The following PCDHA4 variants were observed in gnomAD, a reference collection of about 807,000 sequenced individuals.
PCDHA4 encodes protocadherin alpha-4.
Under a neutral mutation model 61.4 loss-of-function variants are expected in PCDHA4, and 49 were observed. The observed-to-expected ratio is 0.80, with a 90% CI of 0.63 to 1.01. The LOEUF (loss-of-function observed/expected upper bound fraction) is 1.01. Ranked by LOEUF, PCDHA4 falls within the 50% of genes least tolerant of loss-of-function variation. The pLI is 0.00. For missense variants in PCDHA4, 1,254 were observed against 1,235.8 expected, an observed-to-expected ratio of 1.01 and a Z score of -0.22; for synonymous variants, 590 against 550.3, an observed-to-expected ratio of 1.07 and a Z score of -1.01.
chr5:140,823,628 G>A lies in PCDHA4; in HGVS notation c.2385+14056G>A, dbSNP rs1434058728. 2.5e-6 allele frequency: 4 copies of A among 1,614,052 alleles called. No homozygotes were observed. The highest frequency in any genetic ancestry group is 3.4e-6 in the Non-Finnish European group (4 of 1,179,958). ...CTGCAGCCAGCGCCTGGCAGTGCGC[G>A]CATCCCGTTCCGCGTGGGGCTGTAC... On this transcript the variant is annotated intron_variant, in intron 1 of 3. Transcript: ENST00000530339.
At chr5:140,981,977 G>A (rs1321410399) in intron 2 of PCDHA4, among the ~76,000 whole-genome samples, 1 of 152,128 alleles carries the variant, frequency 6.6e-6, no homozygotes, top group African/African-American at 2.4e-5. Context: ...TATAGAAAGA[G>A]TAAAATAGAA....
intron 1 of PCDHA4, among the ~76,000 whole-genome samples, chr5:140,943,353 G>A (rs2093481887): frequency 6.6e-6 from 1 of 151,602 alleles, no homozygotes; most frequent in Non-Finnish European, 1.5e-5. Flanking sequence ...TGAGAGTAGA[G>A]GAAAGGAGAT....
intron 1 of PCDHA4, chr5:140,848,924 G>A (rs2150425105): frequency 3.1e-6 from 5 of 1,607,706 alleles, no homozygotes; most frequent in Admixed American, 1.7e-5. Context: ...TGTTCATCGC[G>A]GAATCCAGGC....
intron 1 of PCDHA4, among the ~76,000 whole-genome samples, chr5:140,932,720 G>A (rs868927369): frequency 6.6e-5 from 10 of 151,848 alleles, no homozygotes; most frequent in Non-Finnish European, 1.5e-5. Flanking sequence ...CAATAATATT[G>A]TATAATATAG....
At chr5:140,854,518 G>A (rs1446011923) in intron 1 of PCDHA4, 1 of 149,946 alleles carries the variant, frequency 6.7e-6, no homozygotes, top group Non-Finnish European at 1.5e-5. Flanking sequence ...GATGGATTAA[G>A]TGACACCCAT....
chr5:140,849,959 C>G lies in PCDHA4; in HGVS notation c.2385+40387C>G, dbSNP rs2150460444. On this transcript the variant is annotated intron_variant, in intron 1 of 3. Transcript: ENST00000530339. ...GGGACGCTGACGCGCAGGAGAACGC[C>G]CTGGTGTCCTACTCGCTGGTGGAGC... 52 of 1,597,872 alleles carry G rather than the reference C, an allele frequency of 3.3e-5. 2 individuals are homozygous for G. Among genetic ancestry groups the G allele is most frequent in the African/African-American group, 2.7e-4 (20 of 74,536 alleles).
intron 1 of PCDHA4, among the ~76,000 whole-genome samples, chr5:140,940,057 A>G (rs2092538975): frequency 6.6e-6 from 1 of 152,224 alleles, no homozygotes; most frequent in African/African-American, 2.4e-5. Flanking sequence ...TTCTTAACCA[A>G]ATATAAATAT....
At chr5:140,827,100 C>A (rs1769178412) in intron 1 of PCDHA4, among the ~76,000 whole-genome samples, 2 of 152,036 alleles carry the variant, frequency 1.3e-5, no homozygotes, top group Non-Finnish European at 2.9e-5. Context: ...TAGGAGTCAG[C>A]ATGTATAGGT....
At chr5:140,844,621 A>C (rs1357757740) in intron 1 of PCDHA4, among the ~76,000 whole-genome samples, 5 of 149,558 alleles carry the variant, frequency 3.3e-5, no homozygotes, top group African/African-American at 9.8e-5. Context: ...TGTTTTCATC[A>C]GAAAAACTAT....
At chr5:141,006,372 C>T (rs781874533) in intron 3 of PCDHA4, among the ~76,000 whole-genome samples, 10 of 151,926 alleles carry the variant, frequency 6.6e-5, no homozygotes, top group Non-Finnish European at 1.0e-4. Context: ...CCACCACGCC[C>T]GGCTAAGTTT....
chr5:140,821,537 A>G (rs1240082650), intron 1 of PCDHA4: 6 of 468,714 alleles, frequency 1.3e-5, no homozygotes, highest in African/African-American at 1.2e-4. Context: ...TAAAACACTT[A>G]CCCTTTCATC....
At chr5:140,982,447 C>G (rs782801484) in intron 2 of PCDHA4, 28 bp from the exon 3 acceptor site, 1 of 1,613,782 alleles carries the variant, frequency 6.2e-7, no homozygotes, top group South Asian at 1.1e-5. Flanking sequence ...ATGATCTAAC[C>G]GTTATCTGGG....
At position 140,992,017 on chromosome 5, in the gene PCDHA4, CTGTGTGTG is replaced by C. The variant is rs10602499; in HGVS notation, c.2533+9484_2533+9491del. On this transcript the variant is annotated intron_variant, in intron 3 of 3. Coordinates refer to ENST00000530339, the MANE Select transcript of PCDHA4 (RefSeq NM_018907.4). ...CTTTCATGTTCAGGCAGAGGTGGCT[CTGTGTGTG>C]TGTGTGTGTGTGTGTGTGTGTGTGT... Among the ~76,000 whole-genome samples the C allele has an allele frequency of 9.8e-4, 142 of 145,616 alleles. No homozygotes were observed. The East Asian group carries it at 1.0e-2, about 10-fold the overall frequency.
At chr5:140,884,258 A>G (rs782780491) in intron 1 of PCDHA4, 1 of 1,613,390 alleles carries the variant, frequency 6.2e-7, no homozygotes, top group South Asian at 1.1e-5. Flanking sequence ...GGCCACGGCA[A>G]CGGTGCTGTT....
chr5:140,817,402 T>A (rs1370832974), intron 1 of PCDHA4: 2 of 152,226 alleles, frequency 1.3e-5, no homozygotes, highest in Non-Finnish European at 2.9e-5. Flanking sequence ...GTCCTTGTAT[T>A]GTTGTTGAGT....
chr5:140,843,097 G>A lies in PCDHA4; in HGVS notation c.2385+33525G>A, dbSNP rs2150352521. 1.9e-6 allele frequency: 3 copies of A among 1,595,590 alleles called. 1 individual carries two copies. The highest frequency in any genetic ancestry group is 1.1e-5 in the South Asian group (1 of 90,512). On this transcript the variant is annotated intron_variant, in intron 1 of 3. Transcript: ENST00000530339. ...CTGTGGGCGCGGGCCACGTGGTAGCGAAGGTGCGCGCAGTGGACGCCGACT... is the reference window on the plus strand; with the variant it reads ...CTGTGGGCGCGGGCCACGTGGTAGCAAAGGTGCGCGCAGTGGACGCCGACT...
chr5:140,882,404 G>T, intron 1 of PCDHA4: 1 of 1,614,152 alleles, frequency 6.2e-7, no homozygotes, highest in Non-Finnish European at 8.5e-7. Context: ...CACCTTCGTG[G>T]GCCGCATCGC....
chr5:140,968,569 C>G (rs1554230875), intron 1 of PCDHA4: 18 of 1,614,086 alleles, frequency 1.1e-5, no homozygotes, highest in Non-Finnish European at 1.5e-5. Context: ...CCCCTGCTGG[C>G]TACCTGGTCA....
intron 3 of PCDHA4, 75 bp from the exon 4 acceptor site, chr5:141,009,552 C>T: frequency 6.4e-7 from 1 of 1,562,176 alleles, no homozygotes; most frequent in Non-Finnish European, 8.7e-7. Context: ...TGCAGTACTC[C>T]TGTACTCTAC....
Sources: gnomAD v4.1 joint callset for allele counts (sites outside exome capture counted in the v4.1 genomes callset) on GRCh38, gnomAD v4.1.1 for gene constraint, MANE v1.5 for transcripts, NCBI Gene and HGNC (gene_info 2026-07-23, HGNC 2026-07-21) for gene names.